Variants in RASEF observed in about 807,000 individuals in gnomAD.
RASEF encodes RAS and EF-hand domain containing, also known as ras and EF-hand domain-containing protein.
Under a neutral mutation model 90.1 loss-of-function variants are expected in RASEF, and 68 were observed. That is an observed-to-expected ratio of 0.75 (90% CI 0.62 to 0.92). The LOEUF (loss-of-function observed/expected upper bound fraction) is 0.92. Ranked by LOEUF, RASEF falls within the 40% of genes least tolerant of loss-of-function variation. The pLI is 0.00. For missense variants in RASEF, 949 were observed against 937.2 expected, an observed-to-expected ratio of 1.01 and a Z score of -0.16; for synonymous variants, 331 against 345.2, an observed-to-expected ratio of 0.96 and a Z score of 0.46.
the RASEF span, among the ~76,000 whole-genome samples, chr9:83,069,127 C>T: frequency 7.9e-5 from 12 of 152,216 alleles, no homozygotes; most frequent in Non-Finnish European, 1.0e-4. Context: ...TAAACTTGAG[C>T]GTTTCGACCA....
At chr9:83,009,821 A>G (rs1426715056) in intron 5 of RASEF, 65 bp from the exon 6 acceptor site, 19 of 972,790 alleles carry the variant, frequency 2.0e-5, no homozygotes, top group Non-Finnish European at 2.6e-5. Flanking sequence ...GAAATGAAGT[A>G]AAGTGTCCTG....
the RASEF span, among the ~76,000 whole-genome samples, chr9:83,217,688 C>A: frequency 3.3e-5 from 5 of 152,102 alleles, no homozygotes; most frequent in African/African-American, 1.2e-4. Flanking sequence ...ACTGTGAGTC[C>A]ATTAAACCTA....
At position 83,063,116 on chromosome 9, in the gene RASEF, C is replaced by G. The variant is rs1423437919; in HGVS notation, c.-249G>C. On this transcript the variant is annotated 5_prime_UTR_variant, in exon 1 of 17. Coordinates refer to ENST00000376447, the MANE Select transcript of RASEF (RefSeq NM_152573.4). ...CGGTGGGGTGCGCCCGGGCTCCAGG[C>G]ACCGCCAAGGAGCGCCTCCTGCGAC... 1 of 460,576 alleles carries G rather than the reference C, an allele frequency of 2.2e-6. No individual in the cohort carries two copies. The highest frequency in any genetic ancestry group is 3.8e-6 in the Non-Finnish European group (1 of 265,260). The allele number at this position is 460,576 out of a possible 1,614,324, so 28.5% of individuals were successfully genotyped here. A position where few individuals can be genotyped will look rare whatever the true frequency, so the allele number is the denominator to read the frequency against.
At chr9:83,023,273 T>C (rs1308867104) in intron 2 of RASEF, among the ~76,000 whole-genome samples, 3 of 152,192 alleles carry the variant, frequency 2.0e-5, no homozygotes, top group Non-Finnish European at 2.9e-5. Context: ...TTTAGAAAAA[T>C]TATGTTTCTG....
chr9:83,069,388 G>C, the RASEF span, among the ~76,000 whole-genome samples: 1 of 152,168 alleles, frequency 6.6e-6, no homozygotes, highest in Non-Finnish European at 1.5e-5. Context: ...TAGATTTAAT[G>C]TGATGTGTCT....
the RASEF span, among the ~76,000 whole-genome samples, chr9:83,148,741 C>T: frequency 6.6e-6 from 1 of 152,144 alleles, no homozygotes; most frequent in South Asian, 2.1e-4. Context: ...ATTTTTTAAG[C>T]CAAGTGAATG....
intron 1 of RASEF, among the ~76,000 whole-genome samples, chr9:83,057,031 C>A (rs992117812): frequency 1.3e-5 from 2 of 152,084 alleles, no homozygotes; most frequent in Non-Finnish European, 2.9e-5. Flanking sequence ...AAGTGGCCAC[C>A]ACCCAGCAAG....
chr9:83,007,546 C>A (rs374308210), intron 6 of RASEF, 41 bp from the exon 7 acceptor site: 7 of 1,435,208 alleles, frequency 4.9e-6, no homozygotes, highest in African/African-American at 2.8e-5. Flanking sequence ...AATTAGGTGT[C>A]AAGTCCTGCC....
intron 13 of RASEF, 26 bp downstream of exon 13, chr9:82,998,339 C>T: frequency 6.6e-7 from 1 of 1,507,528 alleles, no homozygotes; most frequent in Admixed American, 1.7e-5. Context: ...CCCAGGATAT[C>T]CCATAGCGCT....
intron 1 of RASEF, chr9:83,055,370 C>G (rs1830083853): frequency 2.1e-6 from 1 of 478,160 alleles, no homozygotes; most frequent in Non-Finnish European, 3.8e-6. Flanking sequence ...CCTTGCGCTT[C>G]CCAGGTGAGG....
chr9:83,088,718 T>C, the RASEF span, among the ~76,000 whole-genome samples: 3 of 152,110 alleles, frequency 2.0e-5, no homozygotes, highest in Non-Finnish European at 2.9e-5. Flanking sequence ...TGTATATTAC[T>C]AGCTACTAAT....
intron 9 of RASEF, 89 bp from the exon 10 acceptor site, chr9:83,001,219 C>T (rs1320484751): frequency 5.7e-6 from 5 of 883,702 alleles, no homozygotes; most frequent in Non-Finnish European, 8.9e-6. Flanking sequence ...TAGATGGAAT[C>T]AAGTAGGCCG....
intron 7 of RASEF, 51 bp downstream of exon 7, chr9:83,007,386 T>C: frequency 7.0e-7 from 1 of 1,427,690 alleles, no homozygotes. Flanking sequence ...TTTTATTAAC[T>C]AAAAAACAAG....
intron 1 of RASEF, among the ~76,000 whole-genome samples, chr9:83,034,204 G>C (rs541129773): frequency 2.0e-5 from 3 of 152,312 alleles, no homozygotes; most frequent in African/African-American, 7.2e-5. Context: ...TCTGCATACA[G>C]AATGGCTATC....
the RASEF span, among the ~76,000 whole-genome samples, chr9:83,174,552 T>TAGTA: frequency 1.3e-5 from 2 of 152,170 alleles, no homozygotes; most frequent in Non-Finnish European, 1.5e-5. Context: ...TATAGCTTTG[T>TAGTA]AGTAAGTTTT....
At chr9:83,128,484 A>C in the RASEF span, among the ~76,000 whole-genome samples, 1 of 126,524 alleles carries the variant, frequency 7.9e-6, no homozygotes. Flanking sequence ...TTTTTTGCAT[A>C]CTCACAAACC....
chr9:83,195,924 CA>C, the RASEF span, among the ~76,000 whole-genome samples: 1 of 151,922 alleles, frequency 6.6e-6, no homozygotes, highest in Admixed American at 6.6e-5. Context: ...AGTGGGACAG[CA>C]AAAAACAAGG....
the RASEF span, among the ~76,000 whole-genome samples, chr9:83,191,699 G>C: frequency 5.9e-5 from 9 of 152,184 alleles, no homozygotes; most frequent in East Asian, 1.6e-3. Context: ...TTTGGTTTGA[G>C]GGATTACCAA....
chr9:83,099,522 C>G, the RASEF span, among the ~76,000 whole-genome samples: 8 of 152,172 alleles, frequency 5.3e-5, no homozygotes, highest in Admixed American at 3.9e-4. Flanking sequence ...GCAGGTAAAT[C>G]AAGAAGTAGC....
Sources: gnomAD v4.1 joint callset for allele counts (sites outside exome capture counted in the v4.1 genomes callset) on GRCh38, gnomAD v4.1.1 for gene constraint, MANE v1.5 for transcripts, NCBI Gene and HGNC (gene_info 2026-07-23, HGNC 2026-07-21) for gene names.